The following KCNAB1 variants were observed in gnomAD, a reference collection of about 807,000 sequenced individuals.
KCNAB1 encodes potassium voltage-gated channel subfamily A regulatory beta subunit 1, also known as voltage-gated potassium channel subunit beta-1.
A neutral mutation model predicts 64.6 loss-of-function variants in KCNAB1; 35 were observed. The ratio of observed to expected loss-of-function variants is 0.54; its 90% CI spans 0.41 to 0.72. The LOEUF (loss-of-function observed/expected upper bound fraction) is 0.72, where lower values mean the gene tolerates loss of function less well. KCNAB1 is among the 30% of genes least tolerant of loss of function. The probability of loss-of-function intolerance (pLI) is 0.00; values close to 1 mark genes in which losing one functional copy is unlikely to be tolerated. For synonymous variants in KCNAB1, 177 were observed against 183.8 expected (o/e 0.96, Z 0.30); for missense variants, 401 against 512.9 (o/e 0.78, Z 2.11).
At chr3:156,496,854 C>A (rs564986217) in intron 8 of KCNAB1, among the ~76,000 whole-genome samples, 12 of 152,034 alleles carry the variant, frequency 7.9e-5, no homozygotes, top group South Asian at 2.1e-4. Flanking sequence ...CAGATACAAC[C>A]AGGCAATGTG....
intron 1 of KCNAB1, among the ~76,000 whole-genome samples, chr3:156,298,130 C>T (rs1183129491): frequency 6.6e-6 from 1 of 152,092 alleles, no homozygotes; most frequent in Non-Finnish European, 1.5e-5. Flanking sequence ...GAGTTTATTC[C>T]ACCTCTGCAA....
intron 13 of KCNAB1, among the ~76,000 whole-genome samples, chr3:156,533,513 C>T (rs1015462959): frequency 1.3e-5 from 2 of 152,136 alleles, no homozygotes; most frequent in African/African-American, 4.8e-5. Flanking sequence ...GGCCAGGTCT[C>T]GCAGGACACC....
intron 1 of KCNAB1, among the ~76,000 whole-genome samples, chr3:156,229,278 G>A (rs1203712905): frequency 6.6e-6 from 1 of 152,078 alleles, no homozygotes. Context: ...TATAATTATG[G>A]TGGAAGGCAC....
chr3:156,491,720 A>G (rs939576448), intron 8 of KCNAB1, among the ~76,000 whole-genome samples: 6 of 151,996 alleles, frequency 3.9e-5, no homozygotes, highest in African/African-American at 1.4e-4. Flanking sequence ...TTATTTTCTT[A>G]TATTGCCTTT....
chr3:156,256,100 CAG>C (rs1718084750), intron 1 of KCNAB1, among the ~76,000 whole-genome samples: 2 of 152,190 alleles, frequency 1.3e-5, no homozygotes, highest in Non-Finnish European at 2.9e-5. Context: ...AGTTTGACTG[CAG>C]AGTTTGAATA....
In KCNAB1 at chr3:156,193,417, G is replaced by T. The variant is rs79615331; in HGVS notation, c.275+72531G>T. Among the ~76,000 whole-genome samples the T allele has an allele frequency of 8.9e-4, 136 of 152,212 alleles. 3 individuals are homozygous for T. In the East Asian group the frequency reaches 0.021, roughly 23 times the overall value. On this transcript the variant is annotated intron_variant, in intron 1 of 13. Transcript: ENST00000490337. ...AATAGGTCTTGTGTTAGATTATTTT[G>T]CCCAACTCTAGGCAAATGTAAGGGT...
At chr3:156,151,034 C>G (rs1176650205) in intron 1 of KCNAB1, among the ~76,000 whole-genome samples, 1 of 152,170 alleles carries the variant, frequency 6.6e-6, no homozygotes, top group Non-Finnish European at 1.5e-5. Flanking sequence ...CCCCTACCAT[C>G]TTTCAGAGAA....
rs541595350 is a variant in KCNAB1 at position 156,395,869 on chromosome 3, G to A, written c.276-25747G>A. ...GAAGAGACAGATTCCTCCAGTGCAC[G>A]GGAAAAGCAGCCACCTTCCTTACTA... On this transcript the variant is annotated intron_variant, in intron 1 of 13. Coordinates refer to ENST00000490337, the MANE Select transcript of KCNAB1 (RefSeq NM_172160.3). Among the ~76,000 whole-genome samples, 8 of 152,242 alleles carry A rather than the reference G, an allele frequency of 5.3e-5. 1 individual carries two copies. Among genetic ancestry groups the A allele is most frequent in the South Asian group, 2.1e-4 (1 of 4,820 alleles).
At chr3:156,134,905 C>T (rs1295901447) in intron 1 of KCNAB1, among the ~76,000 whole-genome samples, 2 of 152,126 alleles carry the variant, frequency 1.3e-5, no homozygotes, top group Non-Finnish European at 2.9e-5. Flanking sequence ...GGTGATTAAA[C>T]ATTTACAATT....
intron 11 of KCNAB1, among the ~76,000 whole-genome samples, chr3:156,521,607 T>A (rs185395065): frequency 1.3e-5 from 2 of 152,302 alleles, no homozygotes; most frequent in East Asian, 3.9e-4. Context: ...GATTTCACCT[T>A]TTGATTCATA....
intron 1 of KCNAB1, among the ~76,000 whole-genome samples, chr3:156,331,210 T>A (rs1181699793): frequency 6.6e-6 from 1 of 152,210 alleles, no homozygotes; most frequent in Non-Finnish European, 1.5e-5. Flanking sequence ...ACTAAGATCC[T>A]TTTCTGAACA....
chr3:156,511,438 A>G (rs1047724016), intron 8 of KCNAB1, among the ~76,000 whole-genome samples: 1 of 151,714 alleles, frequency 6.6e-6, no homozygotes, highest in Non-Finnish European at 1.5e-5. Context: ...ATGCATCTCC[A>G]TTTTTCACAT....
intron 1 of KCNAB1, among the ~76,000 whole-genome samples, chr3:156,333,460 G>GTA (rs2036795850): frequency 6.6e-6 from 1 of 151,856 alleles, no homozygotes; most frequent in Non-Finnish European, 1.5e-5. Flanking sequence ...AGTCATATCA[G>GTA]TATGTATTGC....
At chr3:156,177,345 T>G (rs930657637) in intron 1 of KCNAB1, among the ~76,000 whole-genome samples, 5 of 152,128 alleles carry the variant, frequency 3.3e-5, no homozygotes, top group African/African-American at 1.2e-4. Context: ...AAATAACTAA[T>G]GCAAATTTGA....
At chr3:156,176,873 C>T (rs912172644) in intron 1 of KCNAB1, 4 of 1,176,328 alleles carry the variant, frequency 3.4e-6, no homozygotes, top group Non-Finnish European at 5.1e-6. Context: ...CTGGGACCAG[C>T]GGTAACTCTG....
At chr3:156,227,200 A>G (rs13070168) in intron 1 of KCNAB1, among the ~76,000 whole-genome samples, 17,198 of 152,198 alleles carry the variant, frequency 0.11, 1,210 homozygotes, top group Non-Finnish European at 0.16. Context: ...CCATTACTCC[A>G]CTGATCAGTA....
chr3:156,303,224 C>T (rs1318671990), intron 1 of KCNAB1, among the ~76,000 whole-genome samples: 1 of 152,132 alleles, frequency 6.6e-6, no homozygotes, highest in Non-Finnish European at 1.5e-5. Flanking sequence ...GAATACTGGG[C>T]TTTGAAGGTT....
Position 156,214,873 on chromosome 3 carries a change from A to G in KCNAB1, c.275+93987A>G, listed in dbSNP as rs1160192012. On this transcript the variant is annotated intron_variant, in intron 1 of 13. Coordinates refer to ENST00000490337, the MANE Select transcript of KCNAB1 (RefSeq NM_172160.3). ...AATGGGATTGATGTGTTTGCACGAA[A>G]CACATCAGGCTGTCGCCCGCCACAA... 7.2e-5 allele frequency among the ~76,000 whole-genome samples: 11 copies of G among 152,272 alleles called. No individual in the cohort carries two copies. The East Asian group carries it at 2.1e-3, about 29-fold the overall frequency.
intron 1 of KCNAB1, among the ~76,000 whole-genome samples, chr3:156,365,881 T>C (rs1725914119): frequency 6.6e-6 from 1 of 152,168 alleles, no homozygotes; most frequent in Admixed American, 6.5e-5. Flanking sequence ...TTTTTAAAAA[T>C]TGCAGAAATG....
Sources: gnomAD v4.1 joint callset for allele counts (sites outside exome capture counted in the v4.1 genomes callset) on GRCh38, gnomAD v4.1.1 for gene constraint, MANE v1.5 for transcripts, NCBI Gene and HGNC (gene_info 2026-07-23, HGNC 2026-07-21) for gene names.